CPQ: variants seen among roughly 807,000 people sequenced by gnomAD.
CPQ encodes the protein Ser-Met dipeptidase.
In CPQ, 37 loss-of-function variants were observed where a neutral mutation model predicts 45.7. The ratio of observed to expected loss-of-function variants is 0.81; its 90% CI spans 0.62 to 1.07. The LOEUF (loss-of-function observed/expected upper bound fraction) is 1.07. Among genes scored for constraint, CPQ ranks in the 50% least tolerant of loss-of-function variants. The probability of loss-of-function intolerance (pLI) is 0.00; values close to 1 mark genes in which losing one functional copy is unlikely to be tolerated. For synonymous variants in CPQ, 186 were observed against 205.8 expected (o/e 0.90, Z 0.82); for missense variants, 537 against 572.9 (o/e 0.94, Z 0.64).
chr8:96,890,017 G>T (rs1812352655), intron 4 of CPQ, among the ~76,000 whole-genome samples: 3 of 152,088 alleles, frequency 2.0e-5, no homozygotes, highest in Non-Finnish European at 4.4e-5. Context: ...TTCACCCCTT[G>T]TCAACTTGAA....
intron 3 of CPQ, among the ~76,000 whole-genome samples, chr8:96,859,777 G>T (rs1811903032): frequency 6.6e-6 from 1 of 152,098 alleles, no homozygotes; most frequent in Non-Finnish European, 1.5e-5. Context: ...TTCATTGCAT[G>T]ATGTCTGTGG....
chr8:96,872,835 C>T (rs1812089402), intron 3 of CPQ, among the ~76,000 whole-genome samples: 1 of 151,918 alleles, frequency 6.6e-6, no homozygotes, highest in Non-Finnish European at 1.5e-5. Flanking sequence ...TCAATACTTT[C>T]TAGCTCACAA....
intron 3 of CPQ, among the ~76,000 whole-genome samples, chr8:96,851,597 T>G (rs1811772106): frequency 6.6e-6 from 1 of 152,190 alleles, no homozygotes; most frequent in African/African-American, 2.4e-5. Context: ...TGAAACCTCT[T>G]TTATAAAAGC....
At chr8:96,687,694 A>G (rs1424582314) in intron 1 of CPQ, among the ~76,000 whole-genome samples, 6 of 151,680 alleles carry the variant, frequency 4.0e-5, no homozygotes, top group African/African-American at 1.2e-4. Context: ...TTCGATTGTT[A>G]TTTCCCAGAT....
At chr8:97,065,006 CCAAAGGAGATTG>C (rs1282401848) in intron 6 of CPQ, among the ~76,000 whole-genome samples, 1 of 152,102 alleles carries the variant, frequency 6.6e-6, no homozygotes, top group Non-Finnish European at 1.5e-5. Flanking sequence ...CCAAAGAACA[CCAAAGGAGATTG>C]CAAATGTGAA....
At chr8:97,068,721 A>T (rs1810684161) in intron 7 of CPQ, among the ~76,000 whole-genome samples, 1 of 152,184 alleles carries the variant, frequency 6.6e-6, no homozygotes, top group South Asian at 2.1e-4. Flanking sequence ...CTTTTTGCAG[A>T]CACTGTTTTA....
chr8:97,046,323 C>T (rs1386457862), intron 6 of CPQ, among the ~76,000 whole-genome samples: 1 of 151,400 alleles, frequency 6.6e-6, no homozygotes, highest in African/African-American at 2.4e-5. Context: ...GCTTGTCCTA[C>T]ATTTGTAATT....
intron 2 of CPQ, among the ~76,000 whole-genome samples, chr8:96,804,799 AC>A (rs545051381): frequency 3.1e-4 from 47 of 152,086 alleles, no homozygotes; most frequent in Middle Eastern, 6.8e-3. Context: ...AAAAGTATTT[AC>A]AAAAAGCTTT....
intron 3 of CPQ, among the ~76,000 whole-genome samples, chr8:96,872,915 G>A (rs187723008): frequency 3.4e-4 from 51 of 151,894 alleles, no homozygotes; most frequent in Non-Finnish European, 5.5e-4. Flanking sequence ...CTTACCTCCT[G>A]TATCTTTGAA....
chr8:96,976,268 A>C (rs1393161976), intron 5 of CPQ, among the ~76,000 whole-genome samples: 1 of 150,196 alleles, frequency 6.7e-6, no homozygotes, highest in African/African-American at 2.5e-5. Context: ...AAAAAAAAAA[A>C]AAAACCTTAG....
chr8:97,029,575 A>G lies in CPQ; in HGVS notation c.1053+81A>G, dbSNP rs1809861497. ...CTCTCATTGTCCATTTAAGACTTCA[A>G]TAATACTTTCTGGTCAACTGGCCCT... is the stretch of plus-strand genomic sequence containing the variant. On this transcript the variant is annotated intron_variant, in intron 6 of 7. Coordinates refer to ENST00000220763, the MANE Select transcript of CPQ (RefSeq NM_016134.4). 4 of 1,288,802 alleles carry G rather than the reference A, an allele frequency of 3.1e-6. No individual in the cohort carries two copies. In the South Asian group the frequency reaches 3.8e-5, roughly 12 times the overall value. The allele number at this position is 1,288,802 out of a possible 1,614,324, so 79.8% of individuals were successfully genotyped here.
chr8:96,849,355 G>T lies in CPQ; in HGVS notation c.641+14175G>T, dbSNP rs544762520. Reference sequence around the variant, plus strand: ...AGCATTTTCCAGTGACTGGCTTCTGGATCTCCACCACTGTCTCCATGCTTT... The same window carrying T: ...AGCATTTTCCAGTGACTGGCTTCTGTATCTCCACCACTGTCTCCATGCTTT... On this transcript the variant is annotated intron_variant, in intron 3 of 7. Coordinates refer to ENST00000220763, the MANE Select transcript of CPQ (RefSeq NM_016134.4). Among the ~76,000 whole-genome samples, 32 of 152,254 alleles carry T rather than the reference G, an allele frequency of 2.1e-4. 1 individual carries two copies. Among genetic ancestry groups the T allele is most frequent in the African/African-American group, 7.7e-4 (32 of 41,550 alleles).
chr8:96,812,787 G>A (rs1811175748), intron 2 of CPQ, among the ~76,000 whole-genome samples: 1 of 152,000 alleles, frequency 6.6e-6, no homozygotes, highest in Non-Finnish European at 1.5e-5. Context: ...GAGGCTGGGT[G>A]CAGAAAATGC....
At chr8:96,795,245 G>T (rs1420525721) in intron 2 of CPQ, among the ~76,000 whole-genome samples, 2 of 152,186 alleles carry the variant, frequency 1.3e-5, no homozygotes, top group Non-Finnish European at 2.9e-5. Context: ...GGTGGAAGGT[G>T]AAAGGCATTT....
In CPQ at chr8:97,014,434, T is replaced by C. The variant is rs182111403; in HGVS notation, c.962-14969T>C. Among the ~76,000 whole-genome samples, 6 of 152,052 alleles carry C rather than the reference T, an allele frequency of 3.9e-5. No individual in the cohort carries two copies. The East Asian group carries it at 9.7e-4, about 25-fold the overall frequency. ...GGGAGGCCGAGGCGGGCAGATCACTTGAGGTCAGGAGTTCAAGACAAGCCT... is the reference window on the plus strand; with the variant it reads ...GGGAGGCCGAGGCGGGCAGATCACTCGAGGTCAGGAGTTCAAGACAAGCCT... On this transcript the variant is annotated intron_variant, in intron 5 of 7. Transcript: ENST00000220763.
chr8:96,908,745 G>GCTCACA (rs1554577087), intron 4 of CPQ, among the ~76,000 whole-genome samples: 1 of 16,906 alleles, frequency 5.9e-5, no homozygotes, highest in East Asian at 1.2e-3. Context: ...TTATACACAT[G>GCTCACA]CGCACACACA....
chr8:96,733,466 C>T (rs1447657353), intron 1 of CPQ, among the ~76,000 whole-genome samples: 1 of 152,060 alleles, frequency 6.6e-6, no homozygotes, highest in African/African-American at 2.4e-5. Flanking sequence ...TTTCCCTTTT[C>T]CAGTTTTAAC....
chr8:96,750,869 A>G lies in CPQ; in HGVS notation c.-34-33995A>G, dbSNP rs555550927. ...CTCTCATCATTCAGCTCCCACTTAT[A>G]AGTGAGAACATGTGGTGTTTGGTTT... is the stretch of plus-strand genomic sequence containing the variant. On this transcript the variant is annotated intron_variant, in intron 1 of 7. Coordinates refer to ENST00000220763, the MANE Select transcript of CPQ (RefSeq NM_016134.4). Among the ~76,000 whole-genome samples, 4 of 152,098 alleles carry G rather than the reference A, an allele frequency of 2.6e-5. No individual in the cohort carries two copies. In the South Asian group the frequency reaches 8.3e-4, roughly 32 times the overall value.
intron 5 of CPQ, among the ~76,000 whole-genome samples, chr8:96,972,418 T>A (rs1813694976): frequency 6.6e-6 from 1 of 152,194 alleles, no homozygotes; most frequent in Non-Finnish European, 1.5e-5. Flanking sequence ...AGTCTTTCTC[T>A]ACCTGCCCTG....
Sources: gnomAD v4.1 joint callset for allele counts (sites outside exome capture counted in the v4.1 genomes callset) on GRCh38, gnomAD v4.1.1 for gene constraint, MANE v1.5 for transcripts, NCBI Gene and HGNC (gene_info 2026-07-23, HGNC 2026-07-21) for gene names.